Variants in TMEFF2 observed in about 807,000 individuals in gnomAD.
TMEFF2 encodes tomoregulin-2.
In TMEFF2, 28 loss-of-function variants were observed where a neutral mutation model predicts 53.8. The ratio of observed to expected loss-of-function variants is 0.52; its 90% CI spans 0.39 to 0.71. The LOEUF is 0.71. Ranked by LOEUF, TMEFF2 falls within the 30% of genes least tolerant of loss-of-function variation. TMEFF2 has a pLI of 0.00. For missense variants in TMEFF2, 353 were observed against 455.2 expected, an observed-to-expected ratio of 0.78 and a Z score of 2.04; for synonymous variants, 162 against 166.3, an observed-to-expected ratio of 0.97 and a Z score of 0.20.
intron 7 of TMEFF2, among the ~76,000 whole-genome samples, chr2:191,964,025 T>C (rs956582851): frequency 6.6e-6 from 1 of 152,202 alleles, no homozygotes; most frequent in African/African-American, 2.4e-5. Context: ...AGAATTGCTG[T>C]CGAAGTCAGG....
At chr2:192,042,413 C>T (rs1687507912) in intron 5 of TMEFF2, among the ~76,000 whole-genome samples, 1 of 152,114 alleles carries the variant, frequency 6.6e-6, no homozygotes, top group African/African-American at 2.4e-5. Flanking sequence ...AAGCAAAGCA[C>T]ACTAAAATGA....
intron 4 of TMEFF2, among the ~76,000 whole-genome samples, chr2:192,155,302 C>T (rs562875815): frequency 1.3e-5 from 2 of 152,052 alleles, no homozygotes; most frequent in Admixed American, 1.3e-4. Context: ...ATCCTTGTCA[C>T]TTTGGCTAAT....
At position 192,174,264 on chromosome 2, in the gene TMEFF2, T is replaced by C. The variant is rs533340681; in HGVS notation, c.439+5404A>G. Among the ~76,000 whole-genome samples, 101 of 151,914 alleles carry C rather than the reference T, an allele frequency of 6.6e-4. 1 individual carries two copies. The highest frequency in any genetic ancestry group is 2.2e-3 in the African/African-American group (92 of 41,504). Reference sequence around the variant, plus strand: ...CACATTCTTAAGCAATGTGCAGAAATTCAGAGAGCTATTACTGCTCTACTG... The same window carrying C: ...CACATTCTTAAGCAATGTGCAGAAACTCAGAGAGCTATTACTGCTCTACTG... On this transcript the variant is annotated intron_variant, in intron 4 of 9. Coordinates refer to ENST00000272771, the MANE Select transcript of TMEFF2 (RefSeq NM_016192.4).
chr2:192,065,275 C>T lies in TMEFF2; in HGVS notation c.440-7500G>A, dbSNP rs115323737. On this transcript the variant is annotated intron_variant, in intron 4 of 9. Transcript: ENST00000272771. The stretch of plus-strand genomic sequence containing the variant: ...TCCATGTAGCTCTAGTACTTCTCTC[C>T]TACTGACATGTAAGACGTCCCATTT... Among the ~76,000 whole-genome samples, 590 of 151,876 alleles carry T rather than the reference C, an allele frequency of 3.9e-3. 5 individuals are homozygous for T. Among genetic ancestry groups the T allele is most frequent in the African/African-American group, 0.013 (538 of 41,506 alleles).
chr2:192,136,102 G>T (rs576901777), intron 4 of TMEFF2, among the ~76,000 whole-genome samples: 1 of 152,070 alleles, frequency 6.6e-6, no homozygotes, highest in Non-Finnish European at 1.5e-5. Context: ...TCACACAGAC[G>T]CGCATGAAAG....
intron 4 of TMEFF2, among the ~76,000 whole-genome samples, chr2:192,123,989 T>G (rs1259827517): frequency 6.6e-6 from 1 of 152,218 alleles, no homozygotes; most frequent in African/African-American, 2.4e-5. Context: ...TCTCCATTAG[T>G]TTGCCAACTG....
At position 192,116,593 on chromosome 2, in the gene TMEFF2, C is replaced by T. The variant is rs568615758; in HGVS notation, c.440-58818G>A. On this transcript the variant is annotated intron_variant, in intron 4 of 9. Coordinates refer to ENST00000272771, the MANE Select transcript of TMEFF2 (RefSeq NM_016192.4). Reference sequence around the variant, plus strand: ...TACTAATATTAGTCACTGGATATAACCATAAAGGAAATAATTTTGTAGTTT... The same window carrying T: ...TACTAATATTAGTCACTGGATATAATCATAAAGGAAATAATTTTGTAGTTT... Among the ~76,000 whole-genome samples the T allele has an allele frequency of 4.6e-5, 7 of 151,890 alleles. No individual in the cohort carries two copies. The South Asian group carries it at 1.5e-3, about 32-fold the overall frequency.
intron 4 of TMEFF2, among the ~76,000 whole-genome samples, chr2:192,105,191 C>T (rs1340585829): frequency 1.3e-5 from 2 of 151,814 alleles, no homozygotes; most frequent in South Asian, 2.1e-4. Flanking sequence ...CAAATTATTT[C>T]AATGTTCATG....
chr2:192,056,815 G>C (rs962883449), intron 5 of TMEFF2, among the ~76,000 whole-genome samples: 1 of 152,094 alleles, frequency 6.6e-6, no homozygotes, highest in African/African-American at 2.4e-5. Flanking sequence ...TATAAAACAG[G>C]CTCCACAGAC....
chr2:192,037,338 A>AAGAAAGAAAGAAAAG, intron 5 of TMEFF2, among the ~76,000 whole-genome samples: 1 of 147,608 alleles, frequency 6.8e-6, no homozygotes. Context: ...AGAAAGAAAA[A>AAGAAAGAAAGAAAAG]CAGAAAACAG....
chr2:192,124,905 C>A (rs1490245778), intron 4 of TMEFF2, among the ~76,000 whole-genome samples: 1 of 152,050 alleles, frequency 6.6e-6, no homozygotes, highest in East Asian at 1.9e-4. Flanking sequence ...TTAGTCACTC[C>A]GCAAAACTGT....
chr2:192,142,163 T>C (rs1181858138), intron 4 of TMEFF2, among the ~76,000 whole-genome samples: 1 of 152,136 alleles, frequency 6.6e-6, no homozygotes, highest in African/African-American at 2.4e-5. Context: ...TTTTAAAATG[T>C]AGTTTGTAAA....
At chr2:191,976,770 G>A (rs1685739558) in intron 7 of TMEFF2, among the ~76,000 whole-genome samples, 1 of 152,194 alleles carries the variant, frequency 6.6e-6, no homozygotes. Flanking sequence ...GGTGGAAGGT[G>A]GGGAGTGAAG....
intron 7 of TMEFF2, among the ~76,000 whole-genome samples, chr2:191,967,036 G>GA (rs57878864): frequency 0.042 from 5,939 of 141,234 alleles, 353 homozygotes; most frequent in African/African-American, 0.14. Flanking sequence ...GAACTTCTGA[G>GA]AAAAAAAAAA....
chr2:192,075,302 T>C (rs1319667394), intron 4 of TMEFF2, among the ~76,000 whole-genome samples: 1 of 38,088 alleles, frequency 2.6e-5, no homozygotes, highest in African/African-American at 8.0e-5. Context: ...TATATATATA[T>C]ATATATATAT....
chr2:192,056,540 C>A (rs139446181), intron 5 of TMEFF2, among the ~76,000 whole-genome samples: 2 of 152,104 alleles, frequency 1.3e-5, no homozygotes, highest in African/African-American at 4.8e-5. Context: ...TAAGGTGGGA[C>A]GAATACAGTA....
chr2:191,965,846 A>G (rs970783123), intron 7 of TMEFF2, among the ~76,000 whole-genome samples: 1 of 152,112 alleles, frequency 6.6e-6, no homozygotes, highest in South Asian at 2.1e-4. Flanking sequence ...CTGTCTCCTC[A>G]GTCTGGGCTC....
At chr2:192,179,594 G>T in intron 4 of TMEFF2, 74 bp downstream of exon 4, 1 of 1,424,638 alleles carries the variant, frequency 7.0e-7, no homozygotes, top group Non-Finnish European at 9.4e-7. Flanking sequence ...TATCTGAAAT[G>T]GAACATACAT....
rs900648771 is a variant in TMEFF2 at position 192,001,657 on chromosome 2, T to A, written c.537-2449A>T. ...TGAATCATGGGGGCAGGTATTTCCC[T>A]TGCTGTTCTCATGATAGTGAATAAG... On this transcript the variant is annotated intron_variant, in intron 5 of 9. Coordinates refer to ENST00000272771, the MANE Select transcript of TMEFF2 (RefSeq NM_016192.4). Among the ~76,000 whole-genome samples the A allele has an allele frequency of 3.3e-5, 5 of 152,138 alleles. 1 individual carries two copies. Among genetic ancestry groups the A allele is most frequent in the Admixed American group, 3.3e-4 (5 of 15,264 alleles).
Sources: gnomAD v4.1 joint callset for allele counts (sites outside exome capture counted in the v4.1 genomes callset) on GRCh38, gnomAD v4.1.1 for gene constraint, MANE v1.5 for transcripts, NCBI Gene and HGNC (gene_info 2026-07-23, HGNC 2026-07-21) for gene names.